The following ACBD6 variants were observed in gnomAD, a reference collection of about 807,000 sequenced individuals.
The protein encoded by ACBD6 is acyl-CoA binding domain containing 6.
ACBD6 carries 28 observed loss-of-function variants against 37.2 expected under a neutral mutation model. The observed-to-expected ratio is 0.75, with a 90% confidence interval of 0.56 to 1.03. ACBD6 has a LOEUF of 1.03. Ranked by LOEUF, ACBD6 falls within the 50% of genes least tolerant of loss-of-function variation. The pLI, the probability that ACBD6 is intolerant of heterozygous loss-of-function variation, is 0.00. For synonymous variants in ACBD6, 113 were observed against 126.8 expected, an observed-to-expected ratio of 0.89 and a Z score of 0.73; for missense variants, 340 against 337.4, an observed-to-expected ratio of 1.01 and a Z score of -0.06.
intron 9 of ACBD6, chr1:180,277,672 A>ACTTG (rs1649115461): frequency 1.3e-5 from 2 of 152,326 alleles, no homozygotes; most frequent in Non-Finnish European, 2.9e-5. Flanking sequence ...CCCTTCAAGG[A>ACTTG]CTTGCTATGC....
chr1:180,426,678 TCCTCTGTAGGGACTC>T (rs535564889), intron 4 of ACBD6, among the ~76,000 whole-genome samples: 2 of 152,324 alleles, frequency 1.3e-5, no homozygotes, highest in East Asian at 3.9e-4. Context: ...AGCTCCTGGC[TCCTCTGTAGGGACTC>T]CCTCTGCCGA....
At position 180,493,247 on chromosome 1, in the gene ACBD6, CAAAAAAAAAAAAAAAAAAAAA is replaced by C. The variant is rs71121023; in HGVS notation, c.288-903_288-883del. ...TGGGCAACAGAGCAAAATTCTGTCT[CAAAAAAAAAAAAAAAAAAAAA>C]AAAAAAAAAACAACAACAGCAACTA... On this transcript the variant is annotated intron_variant, in intron 2 of 7. Transcript: ENST00000367595. Among the ~76,000 whole-genome samples the C allele has an allele frequency of 1.7e-4, 8 of 47,810 alleles. No homozygotes were observed. The Admixed American group carries it at 2.4e-3, about 14-fold the overall frequency. The allele number at this position is 47,810 out of a possible 152,430, so 31.4% of individuals were successfully genotyped here.
intron 6 of ACBD6, among the ~76,000 whole-genome samples, chr1:180,335,103 G>C (rs185987633): frequency 2.6e-5 from 4 of 152,298 alleles, no homozygotes; most frequent in Admixed American, 2.6e-4. Flanking sequence ...TATTATCCAG[G>C]AGAACTTCCC....
rs1043212101 is a variant in ACBD6, at chr1:180,481,688, A to C, written c.384+10581T>G. ...ATAAAGTATTCCCCTTATACTGAGCATAAGTTATGCCCTGGAACTTGAAGA... is the reference window on the plus strand; with the variant it reads ...ATAAAGTATTCCCCTTATACTGAGCCTAAGTTATGCCCTGGAACTTGAAGA... On this transcript the variant is annotated intron_variant, in intron 3 of 7. Coordinates refer to ENST00000367595, the MANE Select transcript of ACBD6 (RefSeq NM_032360.4). Among the ~76,000 whole-genome samples the C allele has an allele frequency of 2.0e-5, 3 of 152,056 alleles. No individual in the cohort carries two copies. In the South Asian group the frequency reaches 6.2e-4, roughly 32 times the overall value.
intron 3 of ACBD6, among the ~76,000 whole-genome samples, chr1:180,456,221 A>AC (rs1649918666): frequency 6.6e-6 from 1 of 151,982 alleles, no homozygotes; most frequent in African/African-American, 2.4e-5. Flanking sequence ...CAAAAAAAAA[A>AC]AAAAAAAGTG....
chr1:180,435,407 C>T (rs1648991247), intron 3 of ACBD6: 2 of 407,522 alleles, frequency 4.9e-6, no homozygotes, highest in Non-Finnish European at 8.8e-6. Context: ...CGCCACCACG[C>T]CTGGCTAATT....
intron 3 of ACBD6, among the ~76,000 whole-genome samples, chr1:180,453,796 A>C (rs1240714424): frequency 1.3e-5 from 2 of 152,210 alleles, no homozygotes; most frequent in Non-Finnish European, 2.9e-5. Context: ...TTCCATTCAA[A>C]ACTGCTACAA....
intron 4 of ACBD6, among the ~76,000 whole-genome samples, chr1:180,429,561 G>A (rs542107931): frequency 2.0e-4 from 31 of 152,242 alleles, no homozygotes; most frequent in African/African-American, 7.5e-4. Flanking sequence ...GAACATGGGT[G>A]TGCAAATATG....
At chr1:180,446,771 A>T (rs987805156) in intron 3 of ACBD6, among the ~76,000 whole-genome samples, 2 of 152,164 alleles carry the variant, frequency 1.3e-5, no homozygotes, top group East Asian at 3.9e-4. Context: ...AGCCAGGTGC[A>T]GTCTCATGCC....
At chr1:180,462,028 G>A (rs1383897341) in intron 3 of ACBD6, among the ~76,000 whole-genome samples, 2 of 152,134 alleles carry the variant, frequency 1.3e-5, no homozygotes, top group Non-Finnish European at 2.9e-5. Flanking sequence ...TTGAGGTCAG[G>A]AATTTGAGAC....
intron 6 of ACBD6, among the ~76,000 whole-genome samples, chr1:180,368,863 T>C (rs1653149522): frequency 1.3e-5 from 2 of 152,130 alleles, no homozygotes; most frequent in South Asian, 2.1e-4. Flanking sequence ...AAACATCTTA[T>C]TATGCTGTAT....
intron 3 of ACBD6, among the ~76,000 whole-genome samples, chr1:180,472,913 C>T (rs1650623794): frequency 6.6e-6 from 1 of 151,918 alleles, no homozygotes; most frequent in South Asian, 2.1e-4. Context: ...AGTTTTGCAA[C>T]ACAAATAGAT....
chr1:180,348,167 G>A (rs1652261798), intron 6 of ACBD6, among the ~76,000 whole-genome samples: 1 of 152,198 alleles, frequency 6.6e-6, no homozygotes. Flanking sequence ...AAGAAAAAAT[G>A]AGAATATTAA....
chr1:180,350,950 C>CT (rs1360641066), intron 6 of ACBD6, among the ~76,000 whole-genome samples: 2 of 152,100 alleles, frequency 1.3e-5, no homozygotes, highest in Admixed American at 6.5e-5. Flanking sequence ...CTCCTAATGT[C>CT]TTGTTGCATC....
At chr1:180,450,370 T>C (rs1328997958) in intron 3 of ACBD6, among the ~76,000 whole-genome samples, 1 of 152,204 alleles carries the variant, frequency 6.6e-6, no homozygotes, top group African/African-American at 2.4e-5. Flanking sequence ...ACTGGGAAGG[T>C]AGTGGGACTT....
At position 180,357,949 on chromosome 1, in the gene ACBD6, A is replaced by T. The variant is rs80288941; in HGVS notation, c.663+39567T>A. Among the ~76,000 whole-genome samples, 268 of 152,342 alleles carry T rather than the reference A, an allele frequency of 1.8e-3. 6 individuals carry two copies. In the East Asian group the frequency reaches 0.046, roughly 26 times the overall value. On this transcript the variant is annotated intron_variant, in intron 6 of 7. Transcript: ENST00000367595. ...GGGTAAAATTTTATAGCCCTCAATA[A>T]CATAAATTGGGCATACAGAAATCAT...
chr1:180,305,817 G>GC (rs1268505651), intron 7 of ACBD6, among the ~76,000 whole-genome samples: 1 of 152,074 alleles, frequency 6.6e-6, no homozygotes, highest in Non-Finnish European at 1.5e-5. Context: ...GTTTATTGCA[G>GC]CACTATTCAC....
intron 7 of ACBD6, 105 bp downstream of exon 7, chr1:180,314,587 C>T: frequency 2.2e-6 from 2 of 925,930 alleles, no homozygotes; most frequent in Non-Finnish European, 3.4e-6. Flanking sequence ...TCTCTGCTAG[C>T]TGCCAGGTAC....
intron 6 of ACBD6, among the ~76,000 whole-genome samples, chr1:180,384,190 C>T (rs1010086025): frequency 1.3e-5 from 2 of 150,618 alleles, no homozygotes; most frequent in Non-Finnish European, 1.5e-5. Flanking sequence ...AAAGCTTCTG[C>T]ACAGCAAACA....
Sources: gnomAD v4.1 joint callset for allele counts (sites outside exome capture counted in the v4.1 genomes callset) on GRCh38, gnomAD v4.1.1 for gene constraint, MANE v1.5 for transcripts, NCBI Gene and HGNC (gene_info 2026-07-23, HGNC 2026-07-21) for gene names.